Variants in ZNF322 observed in about 807,000 individuals in gnomAD.
ZNF322 encodes zinc finger protein 322.
A neutral mutation model predicts 18.3 loss-of-function variants in ZNF322; 1 was observed. The observed-to-expected ratio is 0.05, with a 90% CI of 0.02 to 0.26. The LOEUF (loss-of-function observed/expected upper bound fraction) is 0.26. ZNF322 is among the 10% of genes least tolerant of loss of function. The pLI is 1.00. For missense variants in ZNF322, 36 were observed against 403.6 expected (o/e 0.09, Z 7.80); for synonymous variants, 17 against 130.7 (o/e 0.13, Z 5.93).
Position 26,638,689 on chromosome 6 carries a change from A to G in ZNF322, c.-136T>C. 1.1e-6 allele frequency: 1 copy of G among 907,110 alleles called. No homozygotes were observed. Among genetic ancestry groups the G allele is most frequent in the Admixed American group, 2.5e-5 (1 of 40,074 alleles). 56.2% of individuals were successfully genotyped at this position (907,110 alleles called of 1,614,324 possible). ...CAATCATGAGCCTCTACAAGTTTCC[A>G]GCATCATATATGTTAATTCCTTACT... On this transcript the variant is annotated 5_prime_UTR_variant, in exon 4 of 4. Coordinates refer to ENST00000415922, the MANE Select transcript of ZNF322 (RefSeq NM_024639.5).
At chr6:26,645,212 A>G (rs1173005417) in intron 2 of ZNF322, among the ~76,000 whole-genome samples, 3 of 152,262 alleles carry the variant, frequency 2.0e-5, no homozygotes, top group African/African-American at 7.2e-5. Flanking sequence ...GTGGCTACAG[A>G]AATCCAAATC....
At chr6:26,645,060 C>T (rs149389680) in intron 2 of ZNF322, among the ~76,000 whole-genome samples, 52 of 151,810 alleles carry the variant, frequency 3.4e-4, no homozygotes, top group African/African-American at 1.1e-3. Context: ...TGAGAACATG[C>T]GGTGTTTGCA....
chr6:26,656,029 T>C (rs1372408399), intron 2 of ZNF322, among the ~76,000 whole-genome samples: 2 of 152,196 alleles, frequency 1.3e-5, no homozygotes, highest in African/African-American at 2.4e-5. Context: ...CATGGTAAAA[T>C]GTTAACATTT....
chr6:26,644,066 A>G (rs931967952), intron 2 of ZNF322, among the ~76,000 whole-genome samples: 3 of 152,236 alleles, frequency 2.0e-5, no homozygotes, highest in Non-Finnish European at 4.4e-5. Flanking sequence ...GGCTGTCCTG[A>G]TCCAAAGTGT....
At chr6:26,645,094 T>C (rs928614279) in intron 2 of ZNF322, among the ~76,000 whole-genome samples, 21 of 151,302 alleles carry the variant, frequency 1.4e-4, no homozygotes, top group Admixed American at 1.3e-3. Context: ...AAATTGGCCA[T>C]GGAAGTCAGT....
chr6:26,649,610 A>G (rs1048515615), intron 2 of ZNF322, among the ~76,000 whole-genome samples: 1 of 125,510 alleles, frequency 8.0e-6, no homozygotes, highest in Non-Finnish European at 1.7e-5. Context: ...AACTTTTTTT[A>G]AAGTTTTCTT....
Position 26,649,690 on chromosome 6 carries a change from TATATATATA to T in ZNF322, c.-245-5971_-245-5963del, listed in dbSNP as rs1561924923. 4.2e-4 allele frequency among the ~76,000 whole-genome samples: 35 copies of T among 82,550 alleles called. 2 individuals are homozygous for T. Among genetic ancestry groups the T allele is most frequent in the East Asian group, 1.1e-3 (4 of 3,508 alleles). 54.2% of individuals were successfully genotyped at this position (82,550 alleles called of 152,430 possible). ...GTGTGTGTGTGTATATATATATATA[TATATATATA>T]TATTTTTTTTTTTTTTTTTTTGAGA... On this transcript the variant is annotated intron_variant, in intron 2 of 3. Transcript: ENST00000415922.
rs1554147517 is a variant in ZNF322 at position 26,634,459 on chromosome 6, G to C, written c.*2886C>G. 1 of 150,540 alleles carries C rather than the reference G, an allele frequency of 6.6e-6. No homozygotes were observed. Among genetic ancestry groups the C allele is most frequent in the Non-Finnish European group, 1.5e-5 (1 of 67,720 alleles). 9.3% of individuals were successfully genotyped at this position (150,540 alleles called of 1,614,324 possible). ...ATTAAAGCATAGGAATACATCAACT[G>C]AATACAAGTTGTCTTGTTTGGTCTG... On this transcript the variant is annotated 3_prime_UTR_variant, in exon 4 of 4. Coordinates refer to ENST00000415922, the MANE Select transcript of ZNF322 (RefSeq NM_024639.5).
At chr6:26,640,588 G>A (rs1765449575) in intron 3 of ZNF322, among the ~76,000 whole-genome samples, 2 of 151,950 alleles carry the variant, frequency 1.3e-5, no homozygotes, top group Non-Finnish European at 2.9e-5. Context: ...CCACATCTCC[G>A]TCCCAGCTGA....
chr6:26,656,264 A>C (rs1765768965), intron 2 of ZNF322, among the ~76,000 whole-genome samples: 1 of 152,228 alleles, frequency 6.6e-6, no homozygotes, highest in African/African-American at 2.4e-5. Flanking sequence ...AACTTGGGTT[A>C]GTAACTTAAT....
intron 3 of ZNF322, among the ~76,000 whole-genome samples, chr6:26,641,928 A>T (rs574478578): frequency 2.6e-5 from 4 of 152,172 alleles, no homozygotes; most frequent in African/African-American, 9.6e-5. Context: ...TGTGCTGAGG[A>T]GGATTAGTGA....
intron 2 of ZNF322, among the ~76,000 whole-genome samples, chr6:26,653,385 G>T (rs541522352): frequency 1.8e-4 from 27 of 152,260 alleles, no homozygotes; most frequent in Admixed American, 5.9e-4. Context: ...GGACTCTGAA[G>T]ATTCACCTCC....
intron 2 of ZNF322, among the ~76,000 whole-genome samples, chr6:26,646,377 G>T (rs1166507700): frequency 3.3e-5 from 5 of 152,100 alleles, no homozygotes; most frequent in Non-Finnish European, 7.4e-5. Context: ...AGGAACACTA[G>T]GCAAACAGAA....
chr6:26,656,480 G>T (rs1328059816), intron 2 of ZNF322, among the ~76,000 whole-genome samples: 2 of 152,038 alleles, frequency 1.3e-5, no homozygotes, highest in African/African-American at 4.8e-5. Flanking sequence ...GCAAAGCCTT[G>T]TTCAAAACCC....
chr6:26,639,156 T>C (rs1554148097), intron 3 of ZNF322, among the ~76,000 whole-genome samples: 1 of 152,172 alleles, frequency 6.6e-6, no homozygotes, highest in East Asian at 1.9e-4. Context: ...AAAAGTAAGG[T>C]TTCTATGACT....
chr6:26,653,042 T>C (rs962116376), intron 2 of ZNF322, among the ~76,000 whole-genome samples: 1 of 152,206 alleles, frequency 6.6e-6, no homozygotes, highest in Non-Finnish European at 1.5e-5. Flanking sequence ...TAAATCTGCA[T>C]ATATTAAAAG....
At position 26,634,499 on chromosome 6, in the gene ZNF322, T is replaced by C. The variant is rs1765321146; in HGVS notation, c.*2846A>G. On this transcript the variant is annotated 3_prime_UTR_variant, in exon 4 of 4. Coordinates refer to ENST00000415922, the MANE Select transcript of ZNF322 (RefSeq NM_024639.5). ...TGTTTGGTCTGAAATCTTGAAAAAG[T>C]TAATCTAACTACTTACCTGAGGTAG... 6.8e-6 allele frequency: 1 copy of C among 146,424 alleles called. No individual in the cohort carries two copies. Among genetic ancestry groups the C allele is most frequent in the Admixed American group, 6.9e-5 (1 of 14,434 alleles). 9.1% of individuals were successfully genotyped at this position (146,424 alleles called of 1,614,324 possible).
intron 2 of ZNF322, among the ~76,000 whole-genome samples, chr6:26,646,806 A>T (rs950381486): frequency 5.3e-5 from 8 of 152,208 alleles, no homozygotes; most frequent in Non-Finnish European, 8.8e-5. Context: ...ATTACAAGAA[A>T]CAATCTGCAA....
At chr6:26,643,080 C>T (rs1347217397) in intron 3 of ZNF322, among the ~76,000 whole-genome samples, 7 of 152,202 alleles carry the variant, frequency 4.6e-5, no homozygotes, top group Non-Finnish European at 1.0e-4. Flanking sequence ...CTCTGACACC[C>T]TTTTATATTA....
Sources: gnomAD v4.1 joint callset for allele counts (sites outside exome capture counted in the v4.1 genomes callset) on GRCh38, gnomAD v4.1.1 for gene constraint, MANE v1.5 for transcripts, NCBI Gene and HGNC (gene_info 2026-07-23, HGNC 2026-07-21) for gene names.